TENM3: variants seen among roughly 807,000 people sequenced by gnomAD.
TENM3 encodes the protein teneurin-3.
Under a neutral mutation model 255.1 loss-of-function variants are expected in TENM3, and 63 were observed. The ratio of observed to expected loss-of-function variants is 0.25; its 90% CI spans 0.20 to 0.30. The LOEUF is 0.30. TENM3 is among the 10% of genes least tolerant of loss of function. The probability of loss-of-function intolerance (pLI) is 1.00; values close to 1 mark genes in which losing one functional copy is unlikely to be tolerated. For synonymous variants in TENM3, 1,306 were observed against 1,322.3 expected (o/e 0.99, Z 0.27); for missense variants, 2,929 against 3,461.1 (o/e 0.85, Z 3.86).
chr4:181,529,523 C>A, the TENM3 span, among the ~76,000 whole-genome samples: 1 of 152,162 alleles, frequency 6.6e-6, no homozygotes, highest in Non-Finnish European at 1.5e-5. Flanking sequence ...TGAGAACTTA[C>A]AACTGACAGC....
At chr4:182,507,501 G>A (rs1293315265) in intron 3 of TENM3, among the ~76,000 whole-genome samples, 3 of 150,780 alleles carry the variant, frequency 2.0e-5, no homozygotes, top group Admixed American at 6.6e-5. Flanking sequence ...AGGCAATTCC[G>A]TCAGAATTTT....
At chr4:182,557,969 T>A (rs1742741937) in intron 3 of TENM3, among the ~76,000 whole-genome samples, 1 of 152,206 alleles carries the variant, frequency 6.6e-6, no homozygotes, top group East Asian at 1.9e-4. Context: ...TTGATCTGAT[T>A]GATTCCGTTT....
At chr4:181,790,881 T>C in the TENM3 span, among the ~76,000 whole-genome samples, 233 of 152,310 alleles carry the variant, frequency 1.5e-3, 2 homozygotes, top group African/African-American at 5.5e-3. Flanking sequence ...TCTGCTTACC[T>C]TTGCCTGCTT....
At chr4:181,877,882 A>C in the TENM3 span, among the ~76,000 whole-genome samples, 1 of 152,326 alleles carries the variant, frequency 6.6e-6, no homozygotes, top group Middle Eastern at 3.4e-3. Flanking sequence ...TTCTAGATGG[A>C]TATGGATTGC....
the TENM3 span, among the ~76,000 whole-genome samples, chr4:181,999,637 A>G: frequency 6.6e-6 from 1 of 152,178 alleles, no homozygotes; most frequent in South Asian, 2.1e-4. Flanking sequence ...GTCATCCAAC[A>G]CATCAGACAT....
chr4:181,995,106 C>A, the TENM3 span, among the ~76,000 whole-genome samples: 1 of 151,912 alleles, frequency 6.6e-6, no homozygotes, highest in African/African-American at 2.4e-5. Context: ...CTAGCCAACA[C>A]GGTGAAACCC....
the TENM3 span, among the ~76,000 whole-genome samples, chr4:181,673,047 A>G: frequency 6.6e-6 from 1 of 152,190 alleles, no homozygotes; most frequent in Non-Finnish European, 1.5e-5. Flanking sequence ...ACTCAACAAA[A>G]TAACCTAAAA....
chr4:181,816,714 T>C, the TENM3 span, among the ~76,000 whole-genome samples: 1 of 152,160 alleles, frequency 6.6e-6, no homozygotes, highest in African/African-American at 2.4e-5. Flanking sequence ...TTGGCTCCTC[T>C]TCTCCCTCCT....
At chr4:182,407,284 A>T (rs1005271814) in intron 3 of TENM3, among the ~76,000 whole-genome samples, 1 of 152,220 alleles carries the variant, frequency 6.6e-6, no homozygotes, top group Non-Finnish European at 1.5e-5. Flanking sequence ...TCTAGGTTGC[A>T]TCTTACCCTT....
the TENM3 span, among the ~76,000 whole-genome samples, chr4:181,487,954 T>G: frequency 6.6e-6 from 1 of 152,170 alleles, no homozygotes; most frequent in Admixed American, 6.5e-5. Flanking sequence ...GAGGTAATAA[T>G]GACTCCTGAA....
intron 1 of TENM3, among the ~76,000 whole-genome samples, chr4:182,227,946 C>G (rs145433775): frequency 0.027 from 4,170 of 152,146 alleles, 80 homozygotes; most frequent in Non-Finnish European, 0.041. Context: ...TTTCAGCACT[C>G]CATTTACATT....
At chr4:181,904,225 G>A in the TENM3 span, among the ~76,000 whole-genome samples, 2 of 152,030 alleles carry the variant, frequency 1.3e-5, no homozygotes, top group Non-Finnish European at 2.9e-5. Flanking sequence ...GCCACTATCA[G>A]TCCTCACATG....
At chr4:181,468,699 A>G in the TENM3 span, among the ~76,000 whole-genome samples, 1 of 152,206 alleles carries the variant, frequency 6.6e-6, no homozygotes, top group African/African-American at 2.4e-5. Flanking sequence ...TTCTCACTCC[A>G]TATTGCTGCC....
At chr4:181,560,361 AG>A in the TENM3 span, among the ~76,000 whole-genome samples, 1 of 152,222 alleles carries the variant, frequency 6.6e-6, no homozygotes, top group African/African-American at 2.4e-5. Context: ...CATATGAGTT[AG>A]GGGGTGTGGG....
intron 1 of TENM3, among the ~76,000 whole-genome samples, chr4:182,309,430 G>T (rs140412395): frequency 1.8e-4 from 27 of 152,232 alleles, no homozygotes; most frequent in African/African-American, 6.0e-4. Flanking sequence ...ATACTTGGGG[G>T]TAGTTACCAG....
intron 3 of TENM3, among the ~76,000 whole-genome samples, chr4:182,423,105 C>CA (rs1204719835): frequency 6.6e-6 from 1 of 152,132 alleles, no homozygotes; most frequent in South Asian, 2.1e-4. Flanking sequence ...TTCTACCTTC[C>CA]AAAATTTGTC....
chr4:182,587,836 A>T (rs1294149620), intron 3 of TENM3, among the ~76,000 whole-genome samples: 1 of 152,168 alleles, frequency 6.6e-6, no homozygotes, highest in East Asian at 1.9e-4. Context: ...GATTTTCATT[A>T]TATGTACCTT....
intron 1 of TENM3, among the ~76,000 whole-genome samples, chr4:182,190,836 T>TA (rs1440324258): frequency 6.6e-6 from 1 of 152,186 alleles, no homozygotes; most frequent in African/African-American, 2.4e-5. Context: ...AAGTTCATGT[T>TA]ATATTGAAGA....
intron 1 of TENM3, among the ~76,000 whole-genome samples, chr4:182,237,197 G>A (rs1229111730): frequency 6.6e-6 from 1 of 152,030 alleles, no homozygotes; most frequent in Non-Finnish European, 1.5e-5. Context: ...CTTTTTATGG[G>A]TGCGTAGTAT....
Sources: allele counts gnomAD v4.1 joint callset (sites outside exome capture counted in the v4.1 genomes callset), GRCh38; gene constraint gnomAD v4.1.1; transcripts MANE v1.5; gene names NCBI Gene and HGNC (gene_info 2026-07-23, HGNC 2026-07-21).